The following EGFLAM variants were observed in gnomAD, a reference collection of about 807,000 sequenced individuals.
EGFLAM encodes EGF like, fibronectin type III and laminin G domains.
EGFLAM carries 79 observed loss-of-function variants against 113.1 expected under a neutral mutation model. That is an observed-to-expected ratio of 0.70 (90% CI 0.58 to 0.84). EGFLAM has a LOEUF of 0.84. Among genes scored for constraint, EGFLAM ranks in the 40% least tolerant of loss-of-function variants. The pLI is 0.00. For missense variants in EGFLAM, 1,265 were observed against 1,291.6 expected (o/e 0.98, Z 0.32); for synonymous variants, 504 against 487.6 (o/e 1.03, Z -0.44).
chr5:38,386,805 C>T (rs915164280), intron 6 of EGFLAM, among the ~76,000 whole-genome samples: 18 of 152,134 alleles, frequency 1.2e-4, no homozygotes, highest in Admixed American at 9.2e-4. Flanking sequence ...GTGCCCAGCC[C>T]GAGTACTTAT....
intron 17 of EGFLAM, among the ~76,000 whole-genome samples, chr5:38,441,365 A>G (rs956694225): frequency 6.6e-6 from 1 of 151,932 alleles, no homozygotes; most frequent in Non-Finnish European, 1.5e-5. Flanking sequence ...CCCATGCACT[A>G]CCCCAATACC....
chr5:38,320,926 C>G (rs150878580), intron 1 of EGFLAM, among the ~76,000 whole-genome samples: 121 of 152,238 alleles, frequency 7.9e-4, no homozygotes, highest in African/African-American at 2.4e-3. Flanking sequence ...ACATCTGCAA[C>G]AACCCTTCTA....
chr5:38,327,022 C>A (rs761869509), intron 1 of EGFLAM, among the ~76,000 whole-genome samples: 21 of 151,044 alleles, frequency 1.4e-4, no homozygotes, highest in Non-Finnish European at 8.8e-5. Flanking sequence ...GGTTTCAAAC[C>A]CCTGACCTCA....
intron 6 of EGFLAM, among the ~76,000 whole-genome samples, chr5:38,393,540 A>ATCTATTAC (rs1740870224): frequency 6.6e-6 from 1 of 152,184 alleles, no homozygotes; most frequent in African/African-American, 2.4e-5. Flanking sequence ...GTTCATCACA[A>ATCTATTAC]TCTATTACCC....
At chr5:38,260,643 A>C (rs1757477789) in intron 1 of EGFLAM, among the ~76,000 whole-genome samples, 1 of 152,236 alleles carries the variant, frequency 6.6e-6, no homozygotes, top group South Asian at 2.1e-4. Flanking sequence ...CAAATTTGAG[A>C]TAGAAGTGTT....
At chr5:38,271,151 T>C (rs1757755460) in intron 1 of EGFLAM, among the ~76,000 whole-genome samples, 2 of 150,546 alleles carry the variant, frequency 1.3e-5, no homozygotes, top group African/African-American at 4.9e-5. Context: ...TTGTACAAAA[T>C]CAAGAAGAAA....
intron 1 of EGFLAM, among the ~76,000 whole-genome samples, chr5:38,262,883 A>C (rs959429183): frequency 1.3e-5 from 2 of 152,214 alleles, no homozygotes; most frequent in African/African-American, 4.8e-5. Context: ...GTATATGTTG[A>C]GCTGGATAAG....
At chr5:38,265,943 C>G (rs1046063410) in intron 1 of EGFLAM, among the ~76,000 whole-genome samples, 4 of 152,186 alleles carry the variant, frequency 2.6e-5, no homozygotes, top group African/African-American at 4.8e-5. Flanking sequence ...GGTACCTCGA[C>G]CCAGGTACTC....
chr5:38,463,119 A>G (rs2112301914), intron 21 of EGFLAM, 108 bp downstream of exon 21: 3 of 1,038,836 alleles, frequency 2.9e-6, no homozygotes, highest in Non-Finnish European at 4.2e-6. Flanking sequence ...ATACCTGTAA[A>G]TCAGGAAGCC....
Position 38,435,261 on chromosome 5 carries a change from C to A in EGFLAM, c.2283+8C>A. 1 of 1,604,094 alleles carries A rather than the reference C, an allele frequency of 6.2e-7. No individual in the cohort carries two copies. Among genetic ancestry groups the A allele is most frequent in the Non-Finnish European group, 8.5e-7 (1 of 1,170,990 alleles). ...AGCGGGAGCATCCAGAAGGTACAGG[C>A]ATCTCTTCCTCATGTTTACTGGGCC... On this transcript the variant is annotated splice_region_variant and intron_variant, in intron 16 of 21. Coordinates refer to ENST00000322350, the MANE Select transcript of EGFLAM (RefSeq NM_152403.4).
At chr5:38,431,639 G>A (rs577117528) in intron 15 of EGFLAM, among the ~76,000 whole-genome samples, 5 of 152,184 alleles carry the variant, frequency 3.3e-5, no homozygotes, top group Non-Finnish European at 7.4e-5. Flanking sequence ...GGTAGGGCCT[G>A]TGGTGCATGG....
At chr5:38,372,480 G>A (rs985547834) in intron 6 of EGFLAM, among the ~76,000 whole-genome samples, 31 of 152,214 alleles carry the variant, frequency 2.0e-4, no homozygotes, top group African/African-American at 6.5e-4. Context: ...CTTTTTTAAC[G>A]GAAACACTGA....
intron 1 of EGFLAM, among the ~76,000 whole-genome samples, chr5:38,297,307 T>C (rs906476053): frequency 1.3e-5 from 2 of 152,166 alleles, no homozygotes; most frequent in Non-Finnish European, 2.9e-5. Context: ...ATAAAAAGCT[T>C]AAAAAATTAA....
At chr5:38,298,989 A>G (rs1758511606) in intron 1 of EGFLAM, among the ~76,000 whole-genome samples, 1 of 152,194 alleles carries the variant, frequency 6.6e-6, no homozygotes, top group Non-Finnish European at 1.5e-5. Flanking sequence ...TTAATCCTAA[A>G]CTGCACATCT....
intron 5 of EGFLAM, among the ~76,000 whole-genome samples, chr5:38,368,792 C>T (rs1740132595): frequency 6.6e-6 from 1 of 152,066 alleles, no homozygotes; most frequent in Non-Finnish European, 1.5e-5. Flanking sequence ...TGGGCCTCAC[C>T]ATTTATCAGC....
chr5:38,344,456 C>T (rs1561286411), intron 3 of EGFLAM, among the ~76,000 whole-genome samples: 1 of 148,782 alleles, frequency 6.7e-6, no homozygotes. Context: ...GCACTCCAGC[C>T]TGGGCAACAA....
chr5:38,337,599 G>A lies in EGFLAM; in HGVS notation c.177G>A (p.Arg59=), dbSNP rs1480188182. The A allele has an allele frequency of 2.5e-6, 4 of 1,604,984 alleles. No individual in the cohort carries two copies. The East Asian group carries it at 8.9e-5, about 36-fold the overall frequency. The change falls in exon 2 of 22, where the codon AGG becomes AGA. Residue 59 remains arginine, a synonymous_variant. Transcript: ENST00000322350. The part of the protein sequence containing the change: ...TAFSIQWKMP[R]HPGSPILGYT... The stretch of plus-strand genomic sequence containing the variant: ...TCAGCATCCAGTGGAAAATGCCAAG[G>A]CATCCTGGAAGTCCCATCCTTGGGT...
rs573195538 is a variant in EGFLAM at position 38,281,540 on chromosome 5, A to T, written c.97+22689A>T. 2.6e-5 allele frequency among the ~76,000 whole-genome samples: 4 copies of T among 152,284 alleles called. No homozygotes were observed. The South Asian group carries it at 8.3e-4, about 32-fold the overall frequency. ...ATCTGAGAACTCTAATCATATAATA[A>T]TTATAGTAATGTGTCATATTATGTT... On this transcript the variant is annotated intron_variant, in intron 1 of 21. Transcript: ENST00000322350.
At chr5:38,371,186 C>A (rs1740203896) in intron 6 of EGFLAM, among the ~76,000 whole-genome samples, 1 of 152,078 alleles carries the variant, frequency 6.6e-6, no homozygotes, top group Admixed American at 6.6e-5. Context: ...AACTCAGAAC[C>A]CTGTGTAGCA....
Sources: gnomAD v4.1 joint callset for allele counts (sites outside exome capture counted in the v4.1 genomes callset) on GRCh38, gnomAD v4.1.1 for gene constraint, MANE v1.5 for transcripts, NCBI Gene and HGNC (gene_info 2026-07-23, HGNC 2026-07-21) for gene names.